HECW1: variants seen among roughly 807,000 people sequenced by gnomAD.
HECW1 encodes the protein HECT, C2 and WW domain containing E3 ubiquitin protein ligase 1.
HECW1 carries 61 observed loss-of-function variants against 182.3 expected under a neutral mutation model. The ratio of observed to expected loss-of-function variants is 0.33; its 90% confidence interval spans 0.27 to 0.41. The LOEUF is 0.41. HECW1 is among the 10% of genes least tolerant of loss of function. The pLI, the probability that HECW1 is intolerant of heterozygous loss-of-function variation, is 1.00. For synonymous variants in HECW1, 859 were observed against 832.6 expected, an observed-to-expected ratio of 1.03 and a Z score of -0.55; for missense variants, 1,739 against 2,108.9, an observed-to-expected ratio of 0.82 and a Z score of 3.44.
chr7:43,257,230 G>A (rs1186431256), intron 3 of HECW1, among the ~76,000 whole-genome samples: 4 of 152,118 alleles, frequency 2.6e-5, no homozygotes, highest in African/African-American at 9.7e-5. Context: ...AGAGTTCTGT[G>A]GTCAAGTAAA....
intron 3 of HECW1, among the ~76,000 whole-genome samples, chr7:43,272,617 G>A (rs1385062004): frequency 6.6e-6 from 1 of 152,064 alleles, no homozygotes; most frequent in African/African-American, 2.4e-5. Flanking sequence ...ATCAAAACCA[G>A]AATGAGATAC....
chr7:43,274,322 A>T, intron 3 of HECW1: 1 of 953,696 alleles, frequency 1.0e-6, no homozygotes, highest in South Asian at 1.8e-5. Context: ...AAGAAGATGA[A>T]GATGACTTCA....
At chr7:43,469,126 G>C (rs1302354852) in intron 16 of HECW1, 21 bp downstream of exon 16, 2 of 1,609,780 alleles carry the variant, frequency 1.2e-6, no homozygotes, top group South Asian at 2.2e-5. Context: ...CCCACGTGCG[G>C]GGCTTTCATC....
At chr7:43,199,758 T>C (rs1794861673) in intron 2 of HECW1, among the ~76,000 whole-genome samples, 1 of 152,218 alleles carries the variant, frequency 6.6e-6, no homozygotes, top group Admixed American at 6.5e-5. Context: ...TATCTCTTAC[T>C]GAGTAGGAAG....
At chr7:43,294,510 T>G (rs910395763) in intron 3 of HECW1, among the ~76,000 whole-genome samples, 1 of 152,192 alleles carries the variant, frequency 6.6e-6, no homozygotes, top group African/African-American at 2.4e-5. Context: ...AACTAGCTCC[T>G]CCCGGTCTCA....
At chr7:43,377,527 A>T (rs2152824577) in intron 6 of HECW1, among the ~76,000 whole-genome samples, 1 of 152,252 alleles carries the variant, frequency 6.6e-6, no homozygotes, top group East Asian at 1.9e-4. Flanking sequence ...AAGGTGCTGT[A>T]GATTAAGACA....
intron 5 of HECW1, 53 bp from the exon 6 acceptor site, chr7:43,360,833 C>G: frequency 7.4e-7 from 1 of 1,346,326 alleles, no homozygotes; most frequent in Non-Finnish European, 1.1e-6. Flanking sequence ...CCATAGCTGT[C>G]TCTCCCTGGG....
intron 18 of HECW1, 58 bp downstream of exon 18, chr7:43,492,238 T>G: frequency 8.0e-7 from 1 of 1,246,424 alleles, no homozygotes; most frequent in Non-Finnish European, 1.1e-6. Flanking sequence ...CTAGACTTGA[T>G]TTTTTGTTTG....
At chr7:43,259,342 G>A (rs1217209896) in intron 3 of HECW1, among the ~76,000 whole-genome samples, 10 of 150,966 alleles carry the variant, frequency 6.6e-5, no homozygotes, top group East Asian at 3.9e-4. Flanking sequence ...AGCTGAGATC[G>A]CAGTGCTGCG....
chr7:43,150,166 A>G (rs571394131), intron 2 of HECW1, among the ~76,000 whole-genome samples: 26 of 152,282 alleles, frequency 1.7e-4, no homozygotes, highest in East Asian at 5.8e-4. Context: ...TATTTTCACT[A>G]TTTTACAGAA....
chr7:43,419,760 A>G (rs1043465759), intron 8 of HECW1, among the ~76,000 whole-genome samples: 24 of 152,256 alleles, frequency 1.6e-4, no homozygotes, highest in Admixed American at 1.5e-3. Flanking sequence ...GCATTTGAAT[A>G]TAAATTTAAT....
chr7:43,174,003 A>G (rs893788873), intron 2 of HECW1, among the ~76,000 whole-genome samples: 1 of 151,912 alleles, frequency 6.6e-6, no homozygotes, highest in African/African-American at 2.4e-5. Context: ...ACACCTGGCT[A>G]ATTTTTTAAA....
At chr7:43,492,934 C>T in intron 18 of HECW1, 150 bp from the exon 19 acceptor site, 1 of 551,418 alleles carries the variant, frequency 1.8e-6, no homozygotes, top group South Asian at 2.7e-5. Context: ...ATTTTAAAAA[C>T]TCTCAAGAGC....
intron 24 of HECW1, among the ~76,000 whole-genome samples, chr7:43,516,543 A>G (rs2080159872): frequency 2.0e-5 from 3 of 152,218 alleles, no homozygotes; most frequent in Admixed American, 2.0e-4. Flanking sequence ...TTTTGTCCCA[A>G]TCATTCTGAA....
chr7:43,451,858 C>T (rs572207308), intron 12 of HECW1, among the ~76,000 whole-genome samples: 15 of 152,298 alleles, frequency 9.8e-5, no homozygotes, highest in African/African-American at 3.4e-4. Flanking sequence ...TTCCAGAATG[C>T]AAGGACCCAG....
chr7:43,396,956 C>G (rs1464040613), intron 7 of HECW1, 67 bp downstream of exon 7: 3 of 1,132,134 alleles, frequency 2.6e-6, no homozygotes, highest in Non-Finnish European at 4.0e-6. Context: ...AAGACACTCA[C>G]TTCCATTTCA....
At position 43,501,325 on chromosome 7, in the gene HECW1, A is replaced by G. The variant is rs780582341; in HGVS notation, c.3631+3A>G. 6.4e-7 allele frequency: 1 copy of G among 1,556,484 alleles called. No homozygotes were observed. The highest frequency in any genetic ancestry group is 1.1e-5 in the South Asian group (1 of 89,188). ...TTCTTCACCTCAGAACTCCCCAGGT[A>G]ACAGGAATCTGGCCTAATAGCTCCT... On this transcript the variant is annotated splice_donor_region_variant and intron_variant, in intron 21 of 29. Transcript: ENST00000395891.
At chr7:43,131,243 C>A (rs1786884451) in intron 2 of HECW1, among the ~76,000 whole-genome samples, 1 of 152,138 alleles carries the variant, frequency 6.6e-6, no homozygotes, top group Admixed American at 6.5e-5. Flanking sequence ...CCAGCCTGGG[C>A]AACAGAGTGA....
intron 21 of HECW1, among the ~76,000 whole-genome samples, chr7:43,506,203 A>G (rs1382434281): frequency 6.6e-6 from 1 of 152,180 alleles, no homozygotes; most frequent in African/African-American, 2.4e-5. Context: ...CTTTGTGTAC[A>G]GGTATGTTTA....
Sources: gnomAD v4.1 joint callset for allele counts (sites outside exome capture counted in the v4.1 genomes callset) on GRCh38, gnomAD v4.1.1 for gene constraint, MANE v1.5 for transcripts, NCBI Gene and HGNC (gene_info 2026-07-23, HGNC 2026-07-21) for gene names.